SORCS3: variants seen among roughly 807,000 people sequenced by gnomAD.
The protein encoded by SORCS3 is sortilin related VPS10 domain containing receptor 3, also known as VPS10 domain-containing receptor SorCS3.
Under a neutral mutation model 146.3 loss-of-function variants are expected in SORCS3, and 57 were observed. That is an observed-to-expected ratio of 0.39 (90% CI 0.31 to 0.49). SORCS3 has a LOEUF of 0.49. SORCS3 is among the 20% of genes least tolerant of loss of function. The pLI is 0.92. For missense variants in SORCS3, 1,341 were observed against 1,575.5 expected, an observed-to-expected ratio of 0.85 and a Z score of 2.52; for synonymous variants, 653 against 618.5, an observed-to-expected ratio of 1.06 and a Z score of -0.83.
At chr10:104,763,277 A>C (rs1265733516) in intron 1 of SORCS3, among the ~76,000 whole-genome samples, 1 of 152,210 alleles carries the variant, frequency 6.6e-6, no homozygotes, top group Non-Finnish European at 1.5e-5. Flanking sequence ...TGAAAACTAA[A>C]GACAGTTATA....
chr10:105,209,617 C>T lies in SORCS3; in HGVS notation c.2262-1520C>T, dbSNP rs576920095. On this transcript the variant is annotated intron_variant, in intron 16 of 26. Coordinates refer to ENST00000369701, the MANE Select transcript of SORCS3 (RefSeq NM_014978.3). ...TTATAGTTACCAACAGGTTATGACC[C>T]CAGAGATTTTGTCTGGGGAAGCAGT... is the stretch of plus-strand genomic sequence containing the variant. Among the ~76,000 whole-genome samples, 400 of 152,212 alleles carry T rather than the reference C, an allele frequency of 2.6e-3. 4 individuals carry two copies. Among genetic ancestry groups the T allele is most frequent in the Non-Finnish European group, 4.1e-3 (276 of 68,018 alleles).
At chr10:105,259,498 T>G (rs1000568536) in intron 25 of SORCS3, among the ~76,000 whole-genome samples, 1 of 152,192 alleles carries the variant, frequency 6.6e-6, no homozygotes, top group African/African-American at 2.4e-5. Context: ...AGAATAGAAT[T>G]ACTATGAGCC....
chr10:104,851,611 T>A (rs2018274825), intron 2 of SORCS3, among the ~76,000 whole-genome samples: 3 of 152,224 alleles, frequency 2.0e-5, no homozygotes, highest in East Asian at 1.9e-4. Context: ...CCCTGCCAGA[T>A]GTCCATGTGT....
chr10:104,854,454 G>A (rs1215302687), intron 2 of SORCS3, among the ~76,000 whole-genome samples: 7 of 152,122 alleles, frequency 4.6e-5, no homozygotes, highest in Admixed American at 4.6e-4. Flanking sequence ...AATACAGAGA[G>A]ATATTGTGTA....
intron 1 of SORCS3, among the ~76,000 whole-genome samples, chr10:104,698,460 T>G (rs1419519491): frequency 6.6e-6 from 1 of 152,098 alleles, no homozygotes; most frequent in Admixed American, 6.6e-5. Flanking sequence ...GTTGTTAGGA[T>G]TTAGTTTTGA....
rs866257573 is a variant in SORCS3, at chr10:105,219,014, C to A, written c.2734+1892C>A. Among the ~76,000 whole-genome samples, 3 of 149,678 alleles carry A rather than the reference C, an allele frequency of 2.0e-5. No individual in the cohort carries two copies. In the South Asian group the frequency reaches 6.3e-4, roughly 31 times the overall value. ...TGGGAGACAGAGCGAGACCCCGTCT[C>A]AAAAAAAAATATATATATATCTTAT... On this transcript the variant is annotated intron_variant, in intron 19 of 26. Transcript: ENST00000369701.
intron 1 of SORCS3, among the ~76,000 whole-genome samples, chr10:104,696,706 TATATATAATATATAAC>T (rs1353127150): frequency 3.1e-4 from 24 of 77,662 alleles, no homozygotes; most frequent in Admixed American, 1.5e-3. Flanking sequence ...ATTATATACG[TATATATAATATATAAC>T]ATATATAATA....
chr10:104,650,963 G>T lies in SORCS3; in HGVS notation c.627+9009G>T, dbSNP rs1050396765. Among the ~76,000 whole-genome samples the T allele has an allele frequency of 5.9e-5, 9 of 152,270 alleles. No homozygotes were observed. In the East Asian group the frequency reaches 1.5e-3, roughly 26 times the overall value. On this transcript the variant is annotated intron_variant, in intron 1 of 26. Transcript: ENST00000369701. Reference sequence around the variant, plus strand: ...AATAAACTTTTTCTTTTAAAAATCTGTTCTCAGTGGGAGATGAAGAACAAT... The same window carrying T: ...AATAAACTTTTTCTTTTAAAAATCTTTTCTCAGTGGGAGATGAAGAACAAT...
intron 5 of SORCS3, among the ~76,000 whole-genome samples, chr10:105,060,161 A>G (rs2055475080): frequency 6.6e-6 from 1 of 152,150 alleles, no homozygotes; most frequent in Non-Finnish European, 1.5e-5. Flanking sequence ...GGTTTGAAAG[A>G]TGGTTTCAAT....
At chr10:105,225,531 T>A (rs1221455302) in intron 20 of SORCS3, among the ~76,000 whole-genome samples, 1 of 152,044 alleles carries the variant, frequency 6.6e-6, no homozygotes, top group Non-Finnish European at 1.5e-5. Flanking sequence ...TCTTCAACTT[T>A]GTTCTCCTTC....
At chr10:105,164,727 G>T (rs915961651) in intron 12 of SORCS3, among the ~76,000 whole-genome samples, 2 of 152,100 alleles carry the variant, frequency 1.3e-5, no homozygotes, top group African/African-American at 4.8e-5. Flanking sequence ...TTGGCAAGCT[G>T]GTCTCTTCAC....
intron 6 of SORCS3, among the ~76,000 whole-genome samples, chr10:105,091,745 A>C (rs2055711316): frequency 6.6e-6 from 1 of 152,186 alleles, no homozygotes; most frequent in African/African-American, 2.4e-5. Flanking sequence ...GCCTGGATTC[A>C]AAATTATATT....
chr10:104,669,315 G>A (rs2133255796), intron 1 of SORCS3, among the ~76,000 whole-genome samples: 1 of 152,264 alleles, frequency 6.6e-6, no homozygotes, highest in South Asian at 2.1e-4. Context: ...CATTCATAAT[G>A]TTGTACCAGC....
intron 20 of SORCS3, among the ~76,000 whole-genome samples, chr10:105,229,582 T>C (rs1168716683): frequency 1.3e-5 from 2 of 152,192 alleles, no homozygotes; most frequent in Admixed American, 6.5e-5. Context: ...TCTGGGTGCA[T>C]GCATTAGTAT....
At chr10:105,257,656 C>T in intron 25 of SORCS3, among the ~76,000 whole-genome samples, 1 of 152,110 alleles carries the variant, frequency 6.6e-6, no homozygotes, top group East Asian at 1.9e-4. Context: ...GCGTTTGTAA[C>T]CTTGGGCAAT....
chr10:105,002,119 C>G (rs1025146540), intron 4 of SORCS3, among the ~76,000 whole-genome samples: 2 of 152,038 alleles, frequency 1.3e-5, no homozygotes, highest in East Asian at 1.9e-4. Context: ...CAGGTAGGCC[C>G]CAGGTGATGG....
chr10:104,973,552 C>G (rs1364274708), intron 3 of SORCS3, among the ~76,000 whole-genome samples: 1 of 150,172 alleles, frequency 6.7e-6, no homozygotes, highest in Non-Finnish European at 1.5e-5. Context: ...TCCCCTTTAT[C>G]ATTTTTTATT....
intron 1 of SORCS3, among the ~76,000 whole-genome samples, chr10:104,779,856 C>T (rs2017353237): frequency 6.6e-6 from 1 of 152,176 alleles, no homozygotes; most frequent in Non-Finnish European, 1.5e-5. Context: ...ACCCCGCGCG[C>T]TCCGCCATGT....
chr10:104,971,522 T>C (rs530756000), intron 3 of SORCS3, among the ~76,000 whole-genome samples: 57 of 152,000 alleles, frequency 3.8e-4, no homozygotes, highest in Middle Eastern at 3.4e-3. Flanking sequence ...AGAGAAGCAG[T>C]AGGGCTGGAA....
Sources: gnomAD v4.1 joint callset for allele counts (sites outside exome capture counted in the v4.1 genomes callset) on GRCh38, gnomAD v4.1.1 for gene constraint, MANE v1.5 for transcripts, NCBI Gene and HGNC (gene_info 2026-07-23, HGNC 2026-07-21) for gene names.